Variants in BDKRB2 observed in about 807,000 individuals in gnomAD.
BDKRB2 encodes bradykinin receptor B2.
BDKRB2 carries 6 observed loss-of-function variants against 4.0 expected under a neutral mutation model. The ratio of observed to expected loss-of-function variants is 1.49; its 90% CI spans 0.81 to 2.93. The LOEUF is 2.93. Ranked by LOEUF, BDKRB2 falls within the 30% of genes most tolerant of loss-of-function variation. BDKRB2 has a pLI of 0.00. For synonymous variants in BDKRB2, 225 were observed against 215.3 expected (o/e 1.05, Z -0.40); for missense variants, 478 against 520.1 (o/e 0.92, Z 0.79).
chr14:96,210,329 G>T lies in BDKRB2; in HGVS notation c.-40+5370G>T, dbSNP rs138223276. On this transcript the variant is annotated intron_variant, in intron 1 of 2. Coordinates refer to ENST00000554311, the MANE Select transcript of BDKRB2 (RefSeq NM_001379692.1). Reference sequence around the variant, plus strand: ...TGGCTTAGTGCGTTTGGGGTCTGGGGATTTTAATTTTATTTTTCTTTCACA... The same window carrying T: ...TGGCTTAGTGCGTTTGGGGTCTGGGTATTTTAATTTTATTTTTCTTTCACA... Among the ~76,000 whole-genome samples, 328 of 152,282 alleles carry T rather than the reference G, an allele frequency of 2.2e-3. 2 individuals are homozygous for T. Among genetic ancestry groups the T allele is most frequent in the African/African-American group, 7.6e-3 (317 of 41,558 alleles).
At chr14:96,207,418 TA>T (rs1890211668) in intron 1 of BDKRB2, among the ~76,000 whole-genome samples, 2 of 110,020 alleles carry the variant, frequency 1.8e-5, no homozygotes, top group Non-Finnish European at 2.0e-5. Context: ...ATGAAGACAG[TA>T]AAAAATAAAA....
intron 1 of BDKRB2, among the ~76,000 whole-genome samples, chr14:96,231,495 C>T (rs1343564080): frequency 6.6e-6 from 1 of 152,196 alleles, no homozygotes; most frequent in Non-Finnish European, 1.5e-5. Context: ...CCATCACCCC[C>T]TTCCGCCACC....
chr14:96,219,891 T>G (rs1005293398), intron 1 of BDKRB2, among the ~76,000 whole-genome samples: 25 of 150,416 alleles, frequency 1.7e-4, no homozygotes, highest in African/African-American at 5.6e-4. Flanking sequence ...TTGGAAGGAG[T>G]TGGAAGAGCT....
intron 1 of BDKRB2, among the ~76,000 whole-genome samples, chr14:96,228,208 G>A (rs1595257952): frequency 1.3e-5 from 2 of 152,338 alleles, no homozygotes; most frequent in South Asian, 2.1e-4. Flanking sequence ...TGCTGGGGCC[G>A]GGGCAAGCGC....
chr14:96,240,488 G>T lies in BDKRB2; in HGVS notation c.160G>T (p.Gly54Cys), dbSNP rs1595265981. The stretch of plus-strand genomic sequence containing the variant: ...CAAATGCCCCCAAGTGGAGTGGCTG[G>T]GCTGGCTCAACACCATCCAGCCCCC... Reference protein sequence around the residue: ...QSKCPQVEWLGWLNTIQPPFL... With the variant: ...QSKCPQVEWLCWLNTIQPPFL... Residue 54 changes from glycine (G) to cysteine (C), a missense_variant, in exon 3 of 3, where the codon GGC becomes TGC. By Grantham distance (159) the Gly-to-Cys change is radical. Transcript: ENST00000554311. 6.5e-7 allele frequency: 1 copy of T among 1,537,862 alleles called. No individual in the cohort carries two copies. The highest frequency in any genetic ancestry group is 8.7e-7 in the Non-Finnish European group (1 of 1,144,242).
rs201045998 is a variant in BDKRB2, at chr14:96,241,988, A to G, written c.*484A>G. ...ACTTTGAAGGACAATTTCTTGCATT[A>G]ATAAAGGTTAAGCCCTGAGGGGTCC... On this transcript the variant is annotated 3_prime_UTR_variant, in exon 3 of 3. Transcript: ENST00000554311. 8.4e-5 allele frequency: 13 copies of G among 154,594 alleles called. No individual in the cohort carries two copies. The highest frequency in any genetic ancestry group is 1.7e-4 in the Non-Finnish European group (12 of 69,726). 9.6% of individuals were successfully genotyped at this position (154,594 alleles called of 1,614,324 possible).
Position 96,230,203 on chromosome 14 carries a change from A to G in BDKRB2, c.-39-6866A>G, listed in dbSNP as rs1890787262. ...TAGTAAACAAAAATAAACAAATGCAATGCCTTTTTTGAAGGCGTCATTACT... is the reference window on the plus strand; with the variant it reads ...TAGTAAACAAAAATAAACAAATGCAGTGCCTTTTTTGAAGGCGTCATTACT... On this transcript the variant is annotated intron_variant, in intron 1 of 2. Transcript: ENST00000554311. Among the ~76,000 whole-genome samples, 4 of 152,226 alleles carry G rather than the reference A, an allele frequency of 2.6e-5. No individual in the cohort carries two copies. In the South Asian group the frequency reaches 8.3e-4, roughly 32 times the overall value.
chr14:96,228,272 T>G (rs1294786314), intron 1 of BDKRB2, among the ~76,000 whole-genome samples: 1 of 152,248 alleles, frequency 6.6e-6, no homozygotes, highest in Admixed American at 6.5e-5. Flanking sequence ...ATTAATGCTC[T>G]TTTAGAAGTT....
At position 96,240,577 on chromosome 14, in the gene BDKRB2, C is replaced by T. The variant is rs1192859835; in HGVS notation, c.249C>T (p.Cys83=). ...LENIFVLSVF[C]LHKSSCTVAE... ...ACATCTTTGTCCTCAGCGTCTTCTGCCTGCACAAGAGCAGCTGCACGGTGG... is the reference window on the plus strand; with the variant it reads ...ACATCTTTGTCCTCAGCGTCTTCTGTCTGCACAAGAGCAGCTGCACGGTGG... The change falls in exon 3 of 3, where the codon TGC becomes TGT. Residue 83 remains cysteine, a synonymous_variant. Coordinates refer to ENST00000554311, the MANE Select transcript of BDKRB2 (RefSeq NM_001379692.1). 2 of 1,563,292 alleles carry T rather than the reference C, an allele frequency of 1.3e-6. No homozygotes were observed. Among genetic ancestry groups the T allele is most frequent in the East Asian group, 2.2e-5 (1 of 44,476 alleles).
intron 2 of BDKRB2, 86 bp from the exon 3 acceptor site, chr14:96,240,317 C>T (rs1268058448): frequency 5.1e-6 from 7 of 1,376,146 alleles, no homozygotes; most frequent in Non-Finnish European, 3.8e-6. Context: ...GGCTGGTTGT[C>T]CTTAACCCCT....
chr14:96,238,044 T>C (rs1890978581), intron 2 of BDKRB2: 2 of 1,128,800 alleles, frequency 1.8e-6, no homozygotes, highest in African/African-American at 3.3e-5. Context: ...GGGGAAGTCT[T>C]ACCTTCAGAG....
In BDKRB2 at chr14:96,240,979, C is replaced by A; in HGVS notation, c.651C>A (p.Ser217=). 1 of 1,596,104 alleles carries A rather than the reference C, an allele frequency of 6.3e-7. No homozygotes were observed. The highest frequency in any genetic ancestry group is 8.6e-7 in the Non-Finnish European group (1 of 1,168,798). Residue 217 remains serine, a synonymous_variant, in exon 3 of 3, where the codon TCC becomes TCA. Transcript: ENST00000554311. ...NVTACVISYP[S]LIWEVFTNML... is the part of the protein sequence containing the mutation. ...CCGCTTGTGTCATCAGCTACCCATC[C>A]CTCATCTGGGAAGTGTTCACCAACA...
At chr14:96,232,108 T>C (rs912980805) in intron 1 of BDKRB2, among the ~76,000 whole-genome samples, 64 of 152,200 alleles carry the variant, frequency 4.2e-4, no homozygotes, top group African/African-American at 1.5e-3. Flanking sequence ...CAGCCCCTGG[T>C]GTAGCTAAAG....
chr14:96,216,552 G>A (rs1890420467), intron 1 of BDKRB2, among the ~76,000 whole-genome samples: 1 of 151,918 alleles, frequency 6.6e-6, no homozygotes, highest in Non-Finnish European at 1.5e-5. Flanking sequence ...GAACCCGGTG[G>A]GTAGAGGCTA....
intron 1 of BDKRB2, among the ~76,000 whole-genome samples, chr14:96,219,934 T>A (rs1017204151): frequency 6.6e-6 from 1 of 151,834 alleles, no homozygotes; most frequent in African/African-American, 2.4e-5. Context: ...AGGGAGGTGG[T>A]CCAGGGACCT....
At chr14:96,234,010 T>C (rs1890877017) in intron 1 of BDKRB2, 1 of 152,098 alleles carries the variant, frequency 6.6e-6, no homozygotes. Context: ...TCCACCCTCC[T>C]AGCTCTGTAG....
chr14:96,223,363 T>C (rs1430348974), intron 1 of BDKRB2: 5 of 901,336 alleles, frequency 5.5e-6, no homozygotes, highest in Non-Finnish European at 9.4e-6. Flanking sequence ...GCGAGCTACT[T>C]TTCAGACTCA....
In BDKRB2 at chr14:96,241,597, G is replaced by C; in HGVS notation, c.*93G>C. On this transcript the variant is annotated 3_prime_UTR_variant, in exon 3 of 3. Coordinates refer to ENST00000554311, the MANE Select transcript of BDKRB2 (RefSeq NM_001379692.1). ...CCAGGAATGCCAAGGAGACATCTATGCACGACCTTGGGAAATGAGTTGATG... is the reference window on the plus strand; with the variant it reads ...CCAGGAATGCCAAGGAGACATCTATCCACGACCTTGGGAAATGAGTTGATG... 1 of 1,456,972 alleles carries C rather than the reference G, an allele frequency of 6.9e-7. No homozygotes were observed. The highest frequency in any genetic ancestry group is 9.0e-7 in the Non-Finnish European group (1 of 1,110,972). The allele number at this position is 1,456,972 out of a possible 1,614,324, so 90.3% of individuals were successfully genotyped here. A position where few individuals can be genotyped will look rare whatever the true frequency, so the allele number is the denominator to read the frequency against.
chr14:96,234,896 G>A (rs539825919), intron 1 of BDKRB2, among the ~76,000 whole-genome samples: 617 of 152,302 alleles, frequency 4.1e-3, no homozygotes, highest in Non-Finnish European at 6.7e-3. Context: ...GGTCACTGTC[G>A]TGTAGAAATG....
Sources: allele counts gnomAD v4.1 joint callset (sites outside exome capture counted in the v4.1 genomes callset), GRCh38; gene constraint gnomAD v4.1.1; transcripts MANE v1.5; gene names NCBI Gene and HGNC (gene_info 2026-07-23, HGNC 2026-07-21).